Variants in ZNF608 observed in about 807,000 individuals in gnomAD.
ZNF608 encodes the protein renal carcinoma antigen NY-REN-36.
ZNF608 carries 12 observed loss-of-function variants against 109.0 expected under a neutral mutation model. The ratio of observed to expected loss-of-function variants is 0.11; its 90% CI spans 0.07 to 0.18. The LOEUF (loss-of-function observed/expected upper bound fraction) is 0.18. ZNF608 is among the 10% of genes least tolerant of loss of function. The pLI is 1.00. For synonymous variants in ZNF608, 732 were observed against 717.4 expected (o/e 1.02, Z -0.33); for missense variants, 1,707 against 1,879.3 (o/e 0.91, Z 1.70).
At chr5:124,641,757 T>C (rs1402890552) in intron 7 of ZNF608, among the ~76,000 whole-genome samples, 1 of 152,242 alleles carries the variant, frequency 6.6e-6, no homozygotes, top group African/African-American at 2.4e-5. Context: ...TTTGGAGATA[T>C]CTTTAAGGTC....
At chr5:124,646,377 A>T (rs1285160031) in intron 5 of ZNF608, among the ~76,000 whole-genome samples, 1 of 152,176 alleles carries the variant, frequency 6.6e-6, no homozygotes, top group African/African-American at 2.4e-5. Context: ...AAAAAATTTA[A>T]AAAAAGAAAT....
At chr5:124,688,702 A>G (rs142623108) in intron 3 of ZNF608, among the ~76,000 whole-genome samples, 1 of 152,252 alleles carries the variant, frequency 6.6e-6, no homozygotes, top group Admixed American at 6.5e-5. Context: ...AAGATATACT[A>G]TGTAATCCTA....
intron 3 of ZNF608, among the ~76,000 whole-genome samples, chr5:124,661,691 A>C (rs1196253957): frequency 6.6e-6 from 1 of 152,216 alleles, no homozygotes; most frequent in Non-Finnish European, 1.5e-5. Context: ...TTGATTGACC[A>C]GCCTGCTCGG....
chr5:124,706,018 T>TG (rs1237091994), intron 2 of ZNF608, among the ~76,000 whole-genome samples: 1 of 152,200 alleles, frequency 6.6e-6, no homozygotes, highest in Non-Finnish European at 1.5e-5. Context: ...GACTGTGTAG[T>TG]GGGCAAGACT....
At chr5:124,747,649 C>T (rs1203982694), upstream of ZNF608, among the ~76,000 whole-genome samples, 1 of 151,610 alleles carries the variant, frequency 6.6e-6, no homozygotes, top group Non-Finnish European at 1.5e-5. Flanking sequence ...CGCCCCCCCG[C>T]AGTGGGCGAA....
Position 124,728,266 on chromosome 5 carries a change from A to G in ZNF608, c.906+15818T>C, listed in dbSNP as rs536253499. 1.2e-3 allele frequency among the ~76,000 whole-genome samples: 179 copies of G among 152,316 alleles called. 1 individual carries two copies. Among genetic ancestry groups the G allele is most frequent in the African/African-American group, 4.0e-3 (166 of 41,566 alleles). On this transcript the variant is annotated intron_variant, in intron 2 of 9. Coordinates refer to ENST00000513986, the MANE Select transcript of ZNF608 (RefSeq NM_020747.3). ...CTTAAAATCACCTTAAGGGTCATTC[A>G]ATAGGTTGGTATTGGAGGGCAAAGC... is the stretch of plus-strand genomic sequence containing the variant.
chr5:124,695,553 C>T (rs905650849), intron 3 of ZNF608, among the ~76,000 whole-genome samples: 33 of 150,150 alleles, frequency 2.2e-4, no homozygotes, highest in African/African-American at 7.8e-4. Context: ...TTGCTTGAGC[C>T]CAGGGGTTCG....
At position 124,666,796 on chromosome 5, in the gene ZNF608, C is replaced by A. The variant is rs572419863; in HGVS notation, c.1163-17099G>T. Among the ~76,000 whole-genome samples, 222 of 150,724 alleles carry A rather than the reference C, an allele frequency of 1.5e-3. 1 individual carries two copies. Among genetic ancestry groups the A allele is most frequent in the Admixed American group, 3.7e-3 (56 of 15,076 alleles). ...ACAATTTATGGCCTTTAATGCTTAACCCTAGTTAATTAAATTAGCCTAATT... is the reference window on the plus strand; with the variant it reads ...ACAATTTATGGCCTTTAATGCTTAAACCTAGTTAATTAAATTAGCCTAATT... On this transcript the variant is annotated intron_variant, in intron 3 of 9. Coordinates refer to ENST00000513986, the MANE Select transcript of ZNF608 (RefSeq NM_020747.3).
rs374342163 is a variant in ZNF608, at chr5:124,644,391, G to A, written c.3976C>T (p.Arg1326Trp). 49 of 1,614,080 alleles carry A rather than the reference G, an allele frequency of 3.0e-5. No homozygotes were observed. Among genetic ancestry groups the A allele is most frequent in the South Asian group, 7.7e-5 (7 of 91,062 alleles). ...GAGGAGACAGCCACTCTTGTTCCCCGAGAGTCCTTCCAGTTCACAGGAGTC... is the reference window on the plus strand; with the variant it reads ...GAGGAGACAGCCACTCTTGTTCCCCAAGAGTCCTTCCAGTTCACAGGAGTC... ...RKTPVNWKDS[R>W]GTRVAVSSPM... Residue 1326 changes from arginine (R) to tryptophan (W), a missense_variant, in exon 6 of 10, where the codon CGG becomes TGG. Around this residue, in one of 7 missense-constraint regions of ZNF608, gnomAD observed 1,073 missense variants for 1,133.5 expected, o/e 0.95. Transcript: ENST00000513986.
At chr5:124,697,050 A>G (rs962725468) in intron 3 of ZNF608, among the ~76,000 whole-genome samples, 3 of 152,092 alleles carry the variant, frequency 2.0e-5, no homozygotes, top group Admixed American at 1.3e-4. Flanking sequence ...CAGCACCGAG[A>G]ACCCTCTTTG....
chr5:124,746,021 C>G, intron 1 of ZNF608, 174 bp downstream of exon 1: 3 of 513,528 alleles, frequency 5.8e-6, no homozygotes, highest in Non-Finnish European at 7.5e-6. Flanking sequence ...TTAAGACATA[C>G]ACTTTAAGTG....
chr5:124,721,747 C>T (rs1361592642), intron 2 of ZNF608, among the ~76,000 whole-genome samples: 2 of 151,476 alleles, frequency 1.3e-5, no homozygotes, highest in African/African-American at 4.9e-5. Context: ...ACCAGCCTGG[C>T]CAACATGGTG....
intron 7 of ZNF608, among the ~76,000 whole-genome samples, chr5:124,642,155 C>A (rs1339918354): frequency 6.6e-6 from 1 of 152,196 alleles, no homozygotes; most frequent in Non-Finnish European, 1.5e-5. Context: ...ACACACATTG[C>A]AGATACTATT....
At position 124,744,793 on chromosome 5, in the gene ZNF608, C is replaced by T; in HGVS notation, c.197G>A (p.Gly66Glu). 1 of 1,614,222 alleles carries T rather than the reference C, an allele frequency of 6.2e-7. No homozygotes were observed. Among genetic ancestry groups the T allele is most frequent in the Non-Finnish European group, 8.5e-7 (1 of 1,180,042 alleles). The change falls in exon 2 of 10, where the codon GGA becomes GAA. Residue 66 changes from glycine to glutamate, a missense_variant. By Grantham distance (98) the Gly-to-Glu change is moderately conservative. Transcript: ENST00000513986. This position sits in a 1 kb window ranked among gnomAD's most constrained non-coding sequence, Gnocchi z 4.5. The stretch of plus-strand genomic sequence containing the variant: ...ACCAGCCCCACTGGAGGCCGGACCT[C>T]CACAATCCTTGGAGTTGCTGCTACT... ...TTSSSNSKDC[G>E]GPASSGAGAT...
chr5:124,714,065 G>T (rs532361650), intron 2 of ZNF608, among the ~76,000 whole-genome samples: 7 of 151,962 alleles, frequency 4.6e-5, no homozygotes, highest in Non-Finnish European at 1.0e-4. Flanking sequence ...CATTGTGCTG[G>T]GTGCTAATGA....
intron 3 of ZNF608, among the ~76,000 whole-genome samples, chr5:124,651,281 G>C (rs1219180495): frequency 1.3e-5 from 2 of 152,122 alleles, no homozygotes; most frequent in Admixed American, 1.3e-4. Flanking sequence ...AGAACAATTG[G>C]AGGAAAGGAT....
rs1441716897 is a variant in ZNF608, at chr5:124,644,251, A to C, written c.4116T>G (p.Ser1372Arg). ...AGAACCGACAACACGTACCAGGATAACTGTGCATTAGGACGGGAGAAACAG... is the reference window on the plus strand; with the variant it reads ...AGAACCGACAACACGTACCAGGATACCTGTGCATTAGGACGGGAGAAACAG... ...YRAVSPVLMH[S>R]YPGAYLSPGF... Residue 1372 changes from serine (S) to arginine (R), a missense_variant, in exon 6 of 10, where the codon AGT (serine) becomes AGG (arginine). Coordinates refer to ENST00000513986, the MANE Select transcript of ZNF608 (RefSeq NM_020747.3). 4 of 1,606,244 alleles carry C rather than the reference A, an allele frequency of 2.5e-6. No individual in the cohort carries two copies. The African/African-American group carries it at 5.3e-5, about 21-fold the overall frequency.
Position 124,644,304 on chromosome 5 carries a change from A to G in ZNF608, c.4063T>C (p.Tyr1355His). ...YLHAYPYPQM[Y>H]DPSHPAYRAV... ...CGGTATGCAGGATGGCTGGGGTCGT[A>G]CATCTGTGGGTAAGGATAAGCATGC... The change falls in exon 6 of 10, where the codon TAC (tyrosine) becomes CAC (histidine). Residue 1355 changes from tyrosine (Y) to histidine (H), a missense_variant. Physicochemically the swap from Tyr to His is moderately conservative, Grantham distance 83. Around this residue, in one of 7 missense-constraint regions of ZNF608, gnomAD observed 1,073 missense variants for 1,133.5 expected, o/e 0.95. Transcript: ENST00000513986. 2 of 1,614,074 alleles carry G rather than the reference A, an allele frequency of 1.2e-6. No homozygotes were observed. The highest frequency in any genetic ancestry group is 1.7e-6 in the Non-Finnish European group (2 of 1,179,932).
chr5:124,646,689 C>G lies in ZNF608; in HGVS notation c.3695G>C (p.Arg1232Thr), dbSNP rs1750522949. 6.2e-7 allele frequency: 1 copy of G among 1,609,568 alleles called. No homozygotes were observed. The highest frequency in any genetic ancestry group is 1.3e-5 in the African/African-American group (1 of 74,772). Residue 1232 changes from arginine (R) to threonine (T), a missense_variant, in exon 5 of 10, where the codon AGA (arginine) becomes ACA (threonine). Coordinates refer to ENST00000513986, the MANE Select transcript of ZNF608 (RefSeq NM_020747.3). ...MKQTGVDPTSRFKQDPDSRTW... is the reference protein window; with the variant it reads ...MKQTGVDPTSTFKQDPDSRTW... ...GCTCCACAATCTTACTTGTTTAAAT[C>G]TCGAGGTTGGGTCTACACCTGTCTG...
Sources: allele counts gnomAD v4.1 joint callset (sites outside exome capture counted in the v4.1 genomes callset), GRCh38; gene constraint gnomAD v4.1.1; regional missense constraint gnomAD v4.1.1; non-coding constraint Gnocchi (gnomAD v3.1); transcripts MANE v1.5; gene names NCBI Gene and HGNC (gene_info 2026-07-23, HGNC 2026-07-21).